Variants in GPC6 observed in about 807,000 individuals in gnomAD.
GPC6 encodes the protein glypican-6.
In GPC6, 14 loss-of-function variants were observed where a neutral mutation model predicts 55.2. The ratio of observed to expected loss-of-function variants is 0.25; its 90% CI spans 0.17 to 0.40. The LOEUF (loss-of-function observed/expected upper bound fraction) is 0.40, where lower values mean the gene tolerates loss of function less well. Among genes scored for constraint, GPC6 ranks in the 10% least tolerant of loss-of-function variants. GPC6 has a pLI of 1.00. For synonymous variants in GPC6, 278 were observed against 259.6 expected, an observed-to-expected ratio of 1.07 and a Z score of -0.68; for missense variants, 641 against 708.5, an observed-to-expected ratio of 0.90 and a Z score of 1.08.
At chr13:93,780,510 T>G (rs2138906193) in intron 2 of GPC6, among the ~76,000 whole-genome samples, 1 of 152,166 alleles carries the variant, frequency 6.6e-6, no homozygotes, top group East Asian at 1.9e-4. Context: ...CACAGCATTC[T>G]TCATTATTAA....
chr13:93,298,207 C>T (rs934969996), intron 1 of GPC6, among the ~76,000 whole-genome samples: 2 of 152,168 alleles, frequency 1.3e-5, no homozygotes, highest in Admixed American at 1.3e-4. Context: ...GAGATACAAA[C>T]ATCAGCAATG....
At position 93,660,168 on chromosome 13, in the gene GPC6, C is replaced by T. The variant is rs183596509; in HGVS notation, c.319+114747C>T. On this transcript the variant is annotated intron_variant, in intron 2 of 8. Transcript: ENST00000377047. Reference sequence around the variant, plus strand: ...TCCTAATCTGGAAAAAAAACTATGCCATTTAACATTTTCAAAAGCACGCAG... The same window carrying T: ...TCCTAATCTGGAAAAAAAACTATGCTATTTAACATTTTCAAAAGCACGCAG... 2.7e-4 allele frequency among the ~76,000 whole-genome samples: 41 copies of T among 152,016 alleles called. No homozygotes were observed. The East Asian group carries it at 7.9e-3, about 29-fold the overall frequency.
chr13:93,256,866 G>A (rs77129056), intron 1 of GPC6, among the ~76,000 whole-genome samples: 2,043 of 152,244 alleles, frequency 0.013, 52 homozygotes, highest in African/African-American at 0.047. Context: ...ATGTTGAGAT[G>A]TTTCTATACC....
rs561935102 is a variant in GPC6, at chr13:94,405,298, A to G, written c.*2081A>G. 6.6e-6 allele frequency: 1 copy of G among 152,198 alleles called. No individual in the cohort carries two copies. 9.4% of individuals were successfully genotyped at this position (152,198 alleles called of 1,614,324 possible). A position where few individuals can be genotyped will look rare whatever the true frequency, so the allele number is the denominator to read the frequency against. On this transcript the variant is annotated 3_prime_UTR_variant, in exon 9 of 9. Transcript: ENST00000377047. ...ATACTCCTAGAAAACCATCCATTTC[A>G]CTGCCCACATTTTGGCTTCCTACCA...
At chr13:93,260,653 T>C (rs1182611146) in intron 1 of GPC6, among the ~76,000 whole-genome samples, 1 of 152,066 alleles carries the variant, frequency 6.6e-6, no homozygotes, top group African/African-American at 2.4e-5. Context: ...TTATCCTAGA[T>C]GGGAAAATCA....
At chr13:94,045,902 C>T (rs1883716307) in intron 4 of GPC6, among the ~76,000 whole-genome samples, 1 of 151,888 alleles carries the variant, frequency 6.6e-6, no homozygotes, top group African/African-American at 2.4e-5. Flanking sequence ...TCTTTTCATG[C>T]ATTATTCTAT....
At chr13:94,064,030 G>A (rs539460694) in intron 4 of GPC6, among the ~76,000 whole-genome samples, 15 of 152,182 alleles carry the variant, frequency 9.9e-5, no homozygotes, top group Non-Finnish European at 1.8e-4. Flanking sequence ...TTGGTCAGAG[G>A]GGAGTGAGCT....
At position 94,352,774 on chromosome 13, in the gene GPC6, A is replaced by T. The variant is rs1331598311; in HGVS notation, c.1153-29640A>T. 2.6e-5 allele frequency among the ~76,000 whole-genome samples: 4 copies of T among 152,246 alleles called. No individual in the cohort carries two copies. The East Asian group carries it at 7.7e-4, about 29-fold the overall frequency. ...CAAGTTGACTTGTGCTGTCAGTTTC[A>T]TTCTAAGACCCAACTGATCTAGCCC... On this transcript the variant is annotated intron_variant, in intron 6 of 8. Coordinates refer to ENST00000377047, the MANE Select transcript of GPC6 (RefSeq NM_005708.5).
At chr13:93,659,736 ATT>A (rs770052380) in intron 2 of GPC6, among the ~76,000 whole-genome samples, 20 of 152,010 alleles carry the variant, frequency 1.3e-4, no homozygotes, top group Non-Finnish European at 2.7e-4. Flanking sequence ...ATATTAAGTA[ATT>A]TGACCATGGT....
chr13:93,964,774 C>A (rs559765553), intron 3 of GPC6, among the ~76,000 whole-genome samples: 1 of 152,088 alleles, frequency 6.6e-6, no homozygotes, highest in Admixed American at 6.6e-5. Flanking sequence ...AAGTGACTGG[C>A]GTTGTTATCA....
Position 93,408,166 on chromosome 13 carries a change from A to G in GPC6, c.161-137097A>G, listed in dbSNP as rs9524052. The stretch of plus-strand genomic sequence containing the variant: ...AAATGTACCCCTAACAATGTCATCT[A>G]TGGAAAACTGTGCCAACTCTCACCT... On this transcript the variant is annotated intron_variant, in intron 1 of 8. Coordinates refer to ENST00000377047, the MANE Select transcript of GPC6 (RefSeq NM_005708.5). Among the ~76,000 whole-genome samples the G allele has an allele frequency of 4.0e-3, 612 of 152,306 alleles. 2 individuals are homozygous for G. The highest frequency in any genetic ancestry group is 6.6e-3 in the Non-Finnish European group (452 of 68,016).
intron 2 of GPC6, among the ~76,000 whole-genome samples, chr13:93,824,683 A>C (rs2138971498): frequency 6.6e-6 from 1 of 152,232 alleles, no homozygotes; most frequent in East Asian, 1.9e-4. Flanking sequence ...TATGTGTATA[A>C]ATGTATAAGA....
intron 4 of GPC6, among the ~76,000 whole-genome samples, chr13:94,139,037 T>C (rs1467324905): frequency 6.6e-6 from 1 of 151,620 alleles, no homozygotes; most frequent in Non-Finnish European, 1.5e-5. Flanking sequence ...TTCCAGGAGA[T>C]GACACTGGAG....
chr13:94,334,950 A>T (rs1237430467), intron 6 of GPC6, among the ~76,000 whole-genome samples: 2 of 152,248 alleles, frequency 1.3e-5, no homozygotes, highest in African/African-American at 4.8e-5. Context: ...GAAGGCAGTC[A>T]AACTATTAGA....
Position 93,749,814 on chromosome 13 carries a change from G to A in GPC6, c.320-80340G>A, listed in dbSNP as rs114227057. Among the ~76,000 whole-genome samples the A allele has an allele frequency of 1.7e-3, 258 of 152,042 alleles. 3 individuals are homozygous for A. Among genetic ancestry groups the A allele is most frequent in the African/African-American group, 5.9e-3 (246 of 41,510 alleles). ...TTACTTGTGACGAAAAAAATACAAC[G>A]TCAAATGGCAAAAGATTATCCTTTT... On this transcript the variant is annotated intron_variant, in intron 2 of 8. Transcript: ENST00000377047.
chr13:93,225,522 TG>T (rs1594037952), upstream of GPC6, among the ~76,000 whole-genome samples: 7 of 147,228 alleles, frequency 4.8e-5, no homozygotes, highest in Admixed American at 2.7e-4. Flanking sequence ...TTTTTTTTTT[TG>T]GTTTTGTTTT....
chr13:93,560,630 C>T (rs112096663), intron 2 of GPC6, among the ~76,000 whole-genome samples: 2 of 151,858 alleles, frequency 1.3e-5, no homozygotes, highest in Admixed American at 6.6e-5. Context: ...CCAAGGCGGG[C>T]GGATCATGAG....
rs555213753 is a variant in GPC6, at chr13:93,499,889, A to G, written c.161-45374A>G. ...TGAGCTTTTAGTATAGTAAATTGTA[A>G]CTGCTTTTAAATTTCAAGGTATGCC... On this transcript the variant is annotated intron_variant, in intron 1 of 8. Coordinates refer to ENST00000377047, the MANE Select transcript of GPC6 (RefSeq NM_005708.5). Among the ~76,000 whole-genome samples the G allele has an allele frequency of 7.8e-4, 119 of 152,284 alleles. 1 individual carries two copies. In the South Asian group the frequency reaches 0.024, roughly 30 times the overall value.
At chr13:94,273,377 G>A (rs1201901757) in intron 4 of GPC6, among the ~76,000 whole-genome samples, 1 of 152,192 alleles carries the variant, frequency 6.6e-6, no homozygotes, top group Non-Finnish European at 1.5e-5. Context: ...AAGGAGCAAT[G>A]TGAATGCTTT....
Sources: allele counts gnomAD v4.1 joint callset (sites outside exome capture counted in the v4.1 genomes callset), GRCh38; gene constraint gnomAD v4.1.1; transcripts MANE v1.5; gene names NCBI Gene and HGNC (gene_info 2026-07-23, HGNC 2026-07-21).